EBF3: variants seen among roughly 807,000 people sequenced by gnomAD.
EBF3 encodes transcription factor COE3.
A neutral mutation model predicts 77.1 loss-of-function variants in EBF3; 18 were observed. That is an observed-to-expected ratio of 0.23 (90% CI 0.16 to 0.35). The LOEUF is 0.35. EBF3 is among the 10% of genes least tolerant of loss of function. The pLI is 1.00. For synonymous variants in EBF3, 350 were observed against 343.5 expected (o/e 1.02, Z -0.21); for missense variants, 558 against 860.0 (o/e 0.65, Z 4.39).
At chr10:129,932,799 C>T (rs1256850476) in intron 6 of EBF3, among the ~76,000 whole-genome samples, 1 of 152,110 alleles carries the variant, frequency 6.6e-6, no homozygotes, top group East Asian at 1.9e-4. Context: ...GGCAGGAGGC[C>T]GAGCTTCGGA....
intron 14 of EBF3, among the ~76,000 whole-genome samples, 160 bp from the exon 15 acceptor site, chr10:129,840,602 G>A (rs1287536581): frequency 1.3e-5 from 2 of 152,220 alleles, no homozygotes; most frequent in Admixed American, 1.3e-4. Flanking sequence ...AAGCTCTTTT[G>A]CACTGGACTT....
rs1472845299 is a variant in EBF3, at chr10:129,861,638, G to C, written c.1039+5503C>G. Among the ~76,000 whole-genome samples the C allele has an allele frequency of 6.6e-6, 1 of 152,136 alleles. No homozygotes were observed. The highest frequency in any genetic ancestry group is 2.4e-5 in the African/African-American group (1 of 41,442). ...AAGCAGGACAGCCAGTGTGGCTGCA[G>C]GAGGGCCCACTGCAGACAGGAACGA... On this transcript the variant is annotated intron_variant, in intron 10 of 16. Transcript: ENST00000440978. This position sits in a 1 kb window ranked among gnomAD's most constrained non-coding sequence, Gnocchi z 4.3.
At chr10:129,962,797 TTA>T (rs1859627586) in intron 3 of EBF3, 143 bp downstream of exon 3, 2 of 902,544 alleles carry the variant, frequency 2.2e-6, no homozygotes, top group Non-Finnish European at 3.4e-6. Flanking sequence ...TATTGATCGT[TTA>T]TGTTTTGTTT....
chr10:129,929,513 T>G (rs1856870990), intron 6 of EBF3, among the ~76,000 whole-genome samples: 1 of 152,196 alleles, frequency 6.6e-6, no homozygotes, highest in East Asian at 1.9e-4. Flanking sequence ...GCCAGGAGGA[T>G]GGCCTTCTTA....
At chr10:129,948,492 C>T (rs1482772512) in intron 6 of EBF3, among the ~76,000 whole-genome samples, 1 of 152,026 alleles carries the variant, frequency 6.6e-6, no homozygotes, top group East Asian at 1.9e-4. Flanking sequence ...TTGCCAAAAC[C>T]CACCAGATGT....
At chr10:129,908,654 G>A (rs558044439) in intron 6 of EBF3, among the ~76,000 whole-genome samples, 16 of 152,332 alleles carry the variant, frequency 1.1e-4, no homozygotes, top group Admixed American at 6.5e-4. Flanking sequence ...GATAAGCCGC[G>A]TTGCAGTTCG....
At position 129,835,485 on chromosome 10, in the gene EBF3, G is replaced by C. The variant is rs1210585691; in HGVS notation, c.*2458C>G. On this transcript the variant is annotated 3_prime_UTR_variant, in exon 17 of 17. Transcript: ENST00000440978. ...CTACTTAACCTAAAACACAAACCAA[G>C]TGAGGGCATGGGGAAGCTGGCAGGC... is the stretch of plus-strand genomic sequence containing the variant. The C allele has an allele frequency of 6.6e-6, 1 of 152,234 alleles. No individual in the cohort carries two copies. The highest frequency in any genetic ancestry group is 1.9e-4 in the East Asian group (1 of 5,198). The allele number at this position is 152,234 out of a possible 1,614,324, so 9.4% of individuals were successfully genotyped here.
At chr10:129,955,263 G>A (rs1322093862) in intron 6 of EBF3, among the ~76,000 whole-genome samples, 1 of 152,152 alleles carries the variant, frequency 6.6e-6, no homozygotes, top group Non-Finnish European at 1.5e-5. Flanking sequence ...AATAGACGGT[G>A]ATTAAAATTT....
In EBF3 at chr10:129,944,780, G is replaced by A. The variant is rs1858052027; in HGVS notation, c.554+12478C>T. On this transcript the variant is annotated intron_variant, in intron 6 of 16. Coordinates refer to ENST00000440978, the MANE Select transcript of EBF3 (RefSeq NM_001375380.1). This position sits in a 1 kb window ranked among gnomAD's most constrained non-coding sequence, Gnocchi z 5.1. Reference sequence around the variant, plus strand: ...TTCTGCAATTCACATTTTACCTGGTGAAATATCATAAGAATTTCATTATCT... The same window carrying A: ...TTCTGCAATTCACATTTTACCTGGTAAAATATCATAAGAATTTCATTATCT... Among the ~76,000 whole-genome samples, 2 of 151,974 alleles carry A rather than the reference G, an allele frequency of 1.3e-5. No homozygotes were observed. Among genetic ancestry groups the A allele is most frequent in the East Asian group, 1.9e-4 (1 of 5,132 alleles).
intron 6 of EBF3, among the ~76,000 whole-genome samples, chr10:129,903,951 C>A (rs1854962283): frequency 6.6e-6 from 1 of 152,180 alleles, no homozygotes; most frequent in African/African-American, 2.4e-5. Context: ...CCTCAAAACC[C>A]TATACACGAT....
Position 129,943,903 on chromosome 10 carries a change from C to G in EBF3, c.554+13355G>C, listed in dbSNP as rs1027545139. Among the ~76,000 whole-genome samples the G allele has an allele frequency of 6.6e-6, 1 of 152,186 alleles. No homozygotes were observed. The highest frequency in any genetic ancestry group is 6.5e-5 in the Admixed American group (1 of 15,288). The stretch of plus-strand genomic sequence containing the variant: ...CCTTCGGCGCAGACCCAGCTGAAAC[C>G]GTAAAATGCTCGGTAAAACCAGTCG... On this transcript the variant is annotated intron_variant, in intron 6 of 16. Transcript: ENST00000440978. This position sits in a 1 kb window ranked among gnomAD's most constrained non-coding sequence, Gnocchi z 8.8.
chr10:129,862,876 T>C (rs1851736966), intron 10 of EBF3, among the ~76,000 whole-genome samples: 1 of 152,222 alleles, frequency 6.6e-6, no homozygotes, highest in Admixed American at 6.5e-5. Context: ...AAATTATAAA[T>C]GCGAAACTGC....
intron 6 of EBF3, among the ~76,000 whole-genome samples, chr10:129,880,953 T>A (rs1039351326): frequency 6.6e-6 from 1 of 152,220 alleles, no homozygotes; most frequent in Non-Finnish European, 1.5e-5. Flanking sequence ...GCCACACGAT[T>A]TCAGTGTTTG....
chr10:129,889,944 G>GC (rs1280000859), intron 6 of EBF3, among the ~76,000 whole-genome samples: 2 of 124,636 alleles, frequency 1.6e-5, no homozygotes, highest in East Asian at 5.2e-4. Context: ...CCATTGAAGT[G>GC]CCTTTTTTTT....
intron 6 of EBF3, among the ~76,000 whole-genome samples, chr10:129,937,651 C>A (rs910611180): frequency 6.6e-6 from 1 of 152,294 alleles, no homozygotes; most frequent in South Asian, 2.1e-4. Flanking sequence ...CCCGTGCCCA[C>A]GCAGCACCAG....
intron 11 of EBF3, among the ~76,000 whole-genome samples, chr10:129,847,130 G>A (rs934224961): frequency 6.6e-6 from 1 of 152,160 alleles, no homozygotes; most frequent in Non-Finnish European, 1.5e-5. Flanking sequence ...GGGACCTGAG[G>A]GGAGTGGGAA....
chr10:129,925,105 C>A (rs974510843), intron 6 of EBF3, among the ~76,000 whole-genome samples: 1 of 140,922 alleles, frequency 7.1e-6, no homozygotes, highest in Non-Finnish European at 1.5e-5. Context: ...TGTGTGTGTG[C>A]GTGTGTACGG....
At chr10:129,876,086 C>A (rs892650388) in intron 7 of EBF3, among the ~76,000 whole-genome samples, 2 of 152,170 alleles carry the variant, frequency 1.3e-5, no homozygotes, top group African/African-American at 4.8e-5. Flanking sequence ...AGGTCAGCCA[C>A]GAAGGGTAAA....
At chr10:129,899,964 CTT>C (rs1349188319) in intron 6 of EBF3, among the ~76,000 whole-genome samples, 1 of 152,224 alleles carries the variant, frequency 6.6e-6, no homozygotes, top group Non-Finnish European at 1.5e-5. Context: ...GTTCCCTGCT[CTT>C]GTCGTTGCTG....
Sources: allele counts gnomAD v4.1 joint callset (sites outside exome capture counted in the v4.1 genomes callset), GRCh38; gene constraint gnomAD v4.1.1; non-coding constraint Gnocchi (gnomAD v3.1); transcripts MANE v1.5; gene names NCBI Gene and HGNC (gene_info 2026-07-23, HGNC 2026-07-21).